NRXN3: variants seen among roughly 807,000 people sequenced by gnomAD.
The protein encoded by NRXN3 is neurexin III.
In NRXN3, 32 loss-of-function variants were observed where a neutral mutation model predicts 137.6. That is an observed-to-expected ratio of 0.23 (90% CI 0.18 to 0.31). The LOEUF (loss-of-function observed/expected upper bound fraction) is 0.31. Ranked by LOEUF, NRXN3 falls within the 10% of genes least tolerant of loss-of-function variation. NRXN3 has a pLI of 1.00. For synonymous variants in NRXN3, 798 were observed against 784.5 expected (o/e 1.02, Z -0.29); for missense variants, 1,574 against 2,062.5 (o/e 0.76, Z 4.59).
In NRXN3 at chr14:79,862,439, A is replaced by C. The variant is rs184771402; in HGVS notation, c.*475A>C. On this transcript the variant is annotated 3_prime_UTR_variant, in exon 21 of 21. Transcript: ENST00000335750. ...GTAAAAAACAAAACTACAACAACAAAAAAAGAAAAAAGTTAAAAAAGAAAA... is the reference window on the plus strand; with the variant it reads ...GTAAAAAACAAAACTACAACAACAACAAAAGAAAAAAGTTAAAAAAGAAAA... 6.5e-6 allele frequency: 1 copy of C among 152,784 alleles called. No homozygotes were observed. 9.5% of individuals were successfully genotyped at this position (152,784 alleles called of 1,614,324 possible).
chr14:78,733,668 C>T (rs897722861), intron 8 of NRXN3, among the ~76,000 whole-genome samples: 10 of 152,046 alleles, frequency 6.6e-5, no homozygotes, highest in Non-Finnish European at 1.2e-4. Flanking sequence ...TGCATGAGGA[C>T]TCAGAGAGTA....
intron 7 of NRXN3, among the ~76,000 whole-genome samples, chr14:78,711,520 C>A (rs1367402125): frequency 6.9e-6 from 1 of 144,852 alleles, no homozygotes; most frequent in African/African-American, 2.6e-5. Context: ...CGGCTCACTG[C>A]AAACTCTACC....
chr14:78,495,099 T>G (rs1191957115), intron 4 of NRXN3, among the ~76,000 whole-genome samples: 7 of 146,866 alleles, frequency 4.8e-5, no homozygotes, highest in African/African-American at 7.6e-5. Flanking sequence ...TTTTTTTTTT[T>G]GTCAAACTGT....
At chr14:79,318,855 C>T (rs1406969995) in intron 15 of NRXN3, among the ~76,000 whole-genome samples, 1 of 152,080 alleles carries the variant, frequency 6.6e-6, no homozygotes, top group Non-Finnish European at 1.5e-5. Context: ...AATTTCTTGC[C>T]TCATTACTCC....
intron 15 of NRXN3, among the ~76,000 whole-genome samples, chr14:79,364,192 A>C (rs533249882): frequency 8.5e-5 from 13 of 152,230 alleles, no homozygotes; most frequent in Non-Finnish European, 1.2e-4. Context: ...TCTGTCTTCT[A>C]TAATTCTAGA....
chr14:78,878,037 T>C (rs1267525306), intron 10 of NRXN3, among the ~76,000 whole-genome samples: 1 of 152,204 alleles, frequency 6.6e-6, no homozygotes, highest in Non-Finnish European at 1.5e-5. Context: ...CTATCCATTA[T>C]TAATTCCAAT....
chr14:78,626,425 G>GGCATCAAT (rs536571325), intron 4 of NRXN3, among the ~76,000 whole-genome samples: 122 of 152,168 alleles, frequency 8.0e-4, no homozygotes, highest in African/African-American at 2.7e-3. Context: ...GAGAGTTAAA[G>GGCATCAAT]GCATCAATCG....
chr14:79,623,122 A>G (rs189923347), intron 16 of NRXN3, among the ~76,000 whole-genome samples: 1 of 152,260 alleles, frequency 6.6e-6, no homozygotes, highest in Non-Finnish European at 1.5e-5. Context: ...TGTCCCTGCT[A>G]TATTTGAGAC....
intron 14 of NRXN3, among the ~76,000 whole-genome samples, chr14:78,982,535 A>G (rs2099492023): frequency 6.6e-6 from 1 of 152,182 alleles, no homozygotes. Flanking sequence ...TGCCACAAGT[A>G]TGCAATGGAG....
At chr14:79,514,323 G>T (rs1040291886) in intron 16 of NRXN3, among the ~76,000 whole-genome samples, 1 of 151,740 alleles carries the variant, frequency 6.6e-6, no homozygotes, top group Non-Finnish European at 1.5e-5. Context: ...TAAAATTCAA[G>T]CCTCTCTCTA....
chr14:79,142,274 A>G (rs1049363539), intron 15 of NRXN3, among the ~76,000 whole-genome samples: 29 of 152,042 alleles, frequency 1.9e-4, no homozygotes, highest in African/African-American at 6.8e-4. Flanking sequence ...AAAAATACAA[A>G]AAGTAGCCAG....
intron 4 of NRXN3, among the ~76,000 whole-genome samples, chr14:78,517,517 T>A (rs148902106): frequency 6.6e-6 from 1 of 152,312 alleles, no homozygotes; most frequent in African/African-American, 2.4e-5. Context: ...ATGCTCATTA[T>A]CAAAAAGCCC....
At chr14:79,719,396 A>ATG (rs1555660604) in intron 19 of NRXN3, among the ~76,000 whole-genome samples, 105 of 22,898 alleles carry the variant, frequency 4.6e-3, no homozygotes, top group African/African-American at 9.3e-3. Context: ...GTGTATATAT[A>ATG]TGTGTGTATA....
At chr14:79,311,678 G>A (rs1461431481) in intron 15 of NRXN3, among the ~76,000 whole-genome samples, 3 of 114,914 alleles carry the variant, frequency 2.6e-5, no homozygotes, top group African/African-American at 6.4e-5. Flanking sequence ...TGTATGTGTC[G>A]AGGAATGTAT....
intron 16 of NRXN3, among the ~76,000 whole-genome samples, chr14:79,654,342 C>CTT (rs891731884): frequency 1.3e-5 from 2 of 151,202 alleles, no homozygotes; most frequent in African/African-American, 4.9e-5. Context: ...AAAAAAAAAA[C>CTT]TTAAAAAAAA....
At chr14:78,789,622 G>T (rs943246788) in intron 8 of NRXN3, among the ~76,000 whole-genome samples, 4 of 152,062 alleles carry the variant, frequency 2.6e-5, no homozygotes, top group African/African-American at 9.7e-5. Context: ...TGTGGTTTTT[G>T]CAATTAAAAG....
chr14:79,098,916 A>G (rs1369640128), intron 15 of NRXN3, among the ~76,000 whole-genome samples: 3 of 152,204 alleles, frequency 2.0e-5, no homozygotes, highest in Non-Finnish European at 2.9e-5. Flanking sequence ...CCCAACCTCC[A>G]GTAGAGTTCT....
intron 16 of NRXN3, among the ~76,000 whole-genome samples, chr14:79,526,326 T>C (rs1712391091): frequency 6.6e-6 from 1 of 152,140 alleles, no homozygotes; most frequent in South Asian, 2.1e-4. Flanking sequence ...CGATTACAAG[T>C]GTGAGCTGCC....
intron 14 of NRXN3, among the ~76,000 whole-genome samples, chr14:78,984,231 A>G (rs1217588686): frequency 6.6e-6 from 1 of 152,248 alleles, no homozygotes; most frequent in East Asian, 1.9e-4. Flanking sequence ...TGTTTTTACC[A>G]CAAAAAAGTG....
Sources: gnomAD v4.1 joint callset for allele counts (sites outside exome capture counted in the v4.1 genomes callset) on GRCh38, gnomAD v4.1.1 for gene constraint, MANE v1.5 for transcripts, NCBI Gene and HGNC (gene_info 2026-07-23, HGNC 2026-07-21) for gene names.